The following MYBPH variants were observed in gnomAD, a reference collection of about 807,000 sequenced individuals.
MYBPH encodes myosin binding protein H.
In MYBPH, 49 loss-of-function variants were observed where a neutral mutation model predicts 53.6. The ratio of observed to expected loss-of-function variants is 0.91; its 90% CI spans 0.73 to 1.16. The LOEUF is 1.16. MYBPH is among the 50% of genes most tolerant of loss of function. MYBPH has a pLI of 0.00. For missense variants in MYBPH, 558 were observed against 624.1 expected, an observed-to-expected ratio of 0.89 and a Z score of 1.13; for synonymous variants, 239 against 249.6, an observed-to-expected ratio of 0.96 and a Z score of 0.40.
Position 203,175,563 on chromosome 1 carries a change from G to T in MYBPH, c.193C>A (p.Pro65Thr). 1.2e-6 allele frequency: 2 copies of T among 1,614,006 alleles called. No individual in the cohort carries two copies. Among genetic ancestry groups the T allele is most frequent in the Non-Finnish European group, 1.7e-6 (2 of 1,179,990 alleles). Residue 65 changes from proline to threonine, a missense_variant, in exon 1 of 11, where the codon CCC becomes ACC. Pro to Thr is a conservative substitution (Grantham distance 38). Transcript: ENST00000255416. ...CACCTTCAGTCACCTTCACTTGGGG[G>T]TGCAGGCTTAGTGGCTGTGGAGGCT... is the stretch of plus-strand genomic sequence containing the variant. ...PTASTATKPAPPSEDVPSAPL... is the reference protein window; with the variant it reads ...PTASTATKPATPSEDVPSAPL...
intron 3 of MYBPH, among the ~76,000 whole-genome samples, chr1:203,172,433 C>G (rs1655718876): frequency 1.3e-5 from 2 of 152,152 alleles, no homozygotes; most frequent in African/African-American, 2.4e-5. Flanking sequence ...GGCTGCACTT[C>G]TAGGAAGGGG....
Position 203,171,837 on chromosome 1 carries a change from C to T in MYBPH, c.597+115G>A, listed in dbSNP as rs1484266161. The T allele has an allele frequency of 1.6e-5, 12 of 746,916 alleles. No homozygotes were observed. The highest frequency in any genetic ancestry group is 2.2e-5 in the Non-Finnish European group (11 of 498,242). The allele number at this position is 746,916 out of a possible 1,614,324, so 46.3% of individuals were successfully genotyped here. On this transcript the variant is annotated intron_variant, in intron 4 of 10. Transcript: ENST00000255416. The surrounding 1 kb of genome is among the most constrained non-coding windows in gnomAD (Gnocchi z 4.2). ...TGTGCATGATTGCGGAAGGATGAAG[C>T]CGTCTCGCTGGGTCTCAGCTGGACC...
chr1:203,175,514 C>T (rs375224349), intron 1 of MYBPH, 37 bp downstream of exon 1: 1 of 1,612,482 alleles, frequency 6.2e-7, no homozygotes, highest in Non-Finnish European at 8.5e-7. Context: ...CCCTGACATG[C>T]CTGCCTCCCT....
upstream of MYBPH, chr1:203,175,858 T>G (rs1288458078): frequency 1.2e-5 from 14 of 1,162,196 alleles, no homozygotes; most frequent in Admixed American, 4.1e-5. Flanking sequence ...GCTTATATAG[T>G]CAGGGGCTGC....
At chr1:203,177,043 G>A (rs982510877), upstream of MYBPH, among the ~76,000 whole-genome samples, 5 of 152,238 alleles carry the variant, frequency 3.3e-5, no homozygotes, top group African/African-American at 1.2e-4. Context: ...AGCAACTTCA[G>A]CTACTCACAG....
In MYBPH at chr1:203,171,859, G is replaced by T; in HGVS notation, c.597+93C>A. 1.2e-6 allele frequency: 1 copy of T among 832,894 alleles called. No individual in the cohort carries two copies. 51.6% of individuals were successfully genotyped at this position (832,894 alleles called of 1,614,324 possible). A position where few individuals can be genotyped will look rare whatever the true frequency, so the allele number is the denominator to read the frequency against. ...AAGCCGTCTCGCTGGGTCTCAGCTG[G>T]ACCCTTGGAGACCCTGCCATCTCCC... On this transcript the variant is annotated intron_variant, in intron 4 of 10. Transcript: ENST00000255416. The surrounding 1 kb of genome is among the most constrained non-coding windows in gnomAD (Gnocchi z 4.2).
At position 203,174,008 on chromosome 1, in the gene MYBPH, G is replaced by A. The variant is rs1655751085; in HGVS notation, c.508+422C>T. 3.3e-5 allele frequency among the ~76,000 whole-genome samples: 5 copies of A among 152,234 alleles called. No individual in the cohort carries two copies. The South Asian group carries it at 1.0e-3, about 32-fold the overall frequency. On this transcript the variant is annotated intron_variant, in intron 3 of 10. Transcript: ENST00000255416. Reference sequence around the variant, plus strand: ...AGGGCCATGGTGGAACAAGGGGCAAGCAGCGCCTTCTCTCTGTTTCAAGAC... The same window carrying A: ...AGGGCCATGGTGGAACAAGGGGCAAACAGCGCCTTCTCTCTGTTTCAAGAC...
Position 203,174,602 on chromosome 1 carries a change from G to A in MYBPH, c.341-5C>T, listed in dbSNP as rs1453805969. ...TCACAGGCACCCACTCCGAGGCTGA[G>A]GGGATGGAGAGAGTGTGAGGTCTTT... On this transcript the variant is annotated splice_region_variant and splice_polypyrimidine_tract_variant and intron_variant, in intron 2 of 10. Transcript: ENST00000255416. 1.9e-6 allele frequency: 3 copies of A among 1,590,266 alleles called. No homozygotes were observed. Among genetic ancestry groups the A allele is most frequent in the Non-Finnish European group, 2.6e-6 (3 of 1,162,182 alleles).
chr1:203,174,622 G>A (rs1158473879), intron 2 of MYBPH, 25 bp from the exon 3 acceptor site: 9 of 1,553,416 alleles, frequency 5.8e-6, no homozygotes, highest in Middle Eastern at 1.8e-4. Flanking sequence ...AGAGTGTGAG[G>A]TCTTTGCAAT....
rs940630216 is a variant in MYBPH at position 203,171,224 on chromosome 1, A to T, written c.794-24T>A. 1.3e-6 allele frequency: 2 copies of T among 1,570,232 alleles called. No homozygotes were observed. The highest frequency in any genetic ancestry group is 2.7e-5 in the African/African-American group (2 of 73,498). On this transcript the variant is annotated intron_variant, in intron 5 of 10. Coordinates refer to ENST00000255416, the MANE Select transcript of MYBPH (RefSeq NM_004997.3). This position sits in a 1 kb window ranked among gnomAD's most constrained non-coding sequence, Gnocchi z 4.2. Reference sequence around the variant, plus strand: ...CTCTGTAGGCCCAGAGTGTGAGAGGAAGTGAGTGTGAGGGCCAGGCTGGCC... The same window carrying T: ...CTCTGTAGGCCCAGAGTGTGAGAGGTAGTGAGTGTGAGGGCCAGGCTGGCC...
rs752878638 is a variant in MYBPH, at chr1:203,175,741, G to GT, written c.14dup (p.Asn5LysfsTer16). 17 of 1,613,918 alleles carry GT rather than the reference G, an allele frequency of 1.1e-5. No individual in the cohort carries two copies. Among genetic ancestry groups the GT allele is most frequent in the South Asian group, 7.7e-5 (7 of 91,070 alleles). On this transcript the variant is annotated frameshift_variant, in exon 1 of 11. Coordinates refer to ENST00000255416, the MANE Select transcript of MYBPH (RefSeq NM_004997.3). LOFTEE classifies it high-confidence loss of function. ...GACTGCAGGCAGGGCCCTCGGAGGT[G>GT]TTTTTTTCCATCATTGCTGGACTGG...
At chr1:203,175,948 G>T, upstream of MYBPH, 2 of 599,396 alleles carry the variant, frequency 3.3e-6, no homozygotes, top group East Asian at 2.8e-5. Flanking sequence ...CCCAGGCCAG[G>T]AATAGCTCTG....
At chr1:203,168,804 C>A in intron 9 of MYBPH, 102 bp downstream of exon 9, 1 of 1,580,994 alleles carries the variant, frequency 6.3e-7, no homozygotes, top group Non-Finnish European at 8.6e-7. Flanking sequence ...TGACCCCAGT[C>A]TTACCACCCC....
chr1:203,174,034 C>T (rs1655751456), intron 3 of MYBPH, among the ~76,000 whole-genome samples: 2 of 152,168 alleles, frequency 1.3e-5, no homozygotes, highest in African/African-American at 4.8e-5. Context: ...GTTTCAAGAC[C>T]TTTGAGAGAA....
intron 6 of MYBPH, among the ~76,000 whole-genome samples, chr1:203,170,856 C>G (rs376612148): frequency 6.6e-6 from 1 of 152,200 alleles, no homozygotes; most frequent in East Asian, 1.9e-4. Context: ...TCAGACAGCC[C>G]GGGCCAGCCC....
At chr1:203,175,245 A>G (rs1655782697) in intron 2 of MYBPH, 82 bp downstream of exon 2, 4 of 1,468,432 alleles carry the variant, frequency 2.7e-6, no homozygotes, top group East Asian at 4.6e-5. Context: ...AGACTGACCA[A>G]CCACAGGGCC....
At position 203,170,963 on chromosome 1, in the gene MYBPH, C is replaced by T. The variant is rs1253645143; in HGVS notation, c.933+98G>A. On this transcript the variant is annotated intron_variant, in intron 6 of 10. Transcript: ENST00000255416. ...GGTTAGCAGTGGGCAGACCAGAACT[C>T]GATCCCTAGACTCGGTCCCTAGACT... 8.8e-6 allele frequency: 13 copies of T among 1,469,552 alleles called. No homozygotes were observed. The East Asian group carries it at 1.4e-4, about 16-fold the overall frequency. The allele number at this position is 1,469,552 out of a possible 1,614,324, so 91.0% of individuals were successfully genotyped here.
Position 203,171,586 on chromosome 1 carries a change from G to A in MYBPH, c.598-8C>T. On this transcript the variant is annotated splice_polypyrimidine_tract_variant and splice_region_variant and intron_variant, in intron 4 of 10. Transcript: ENST00000255416. This position sits in a 1 kb window ranked among gnomAD's most constrained non-coding sequence, Gnocchi z 4.2. ...CTGAGGCTTAGGCTTCCCCTGGCAG[G>A]GAGGAGCCCCCAGGGTGAGTGTAGG... 6.2e-7 allele frequency: 1 copy of A among 1,608,844 alleles called. No homozygotes were observed. The highest frequency in any genetic ancestry group is 8.5e-7 in the Non-Finnish European group (1 of 1,178,436).
In MYBPH at chr1:203,169,235, C is replaced by G. The variant is rs766658100; in HGVS notation, c.1230+18G>C. 2.5e-6 allele frequency: 4 copies of G among 1,593,700 alleles called. No individual in the cohort carries two copies. The highest frequency in any genetic ancestry group is 2.3e-5 in the South Asian group (2 of 86,478). ...CTGCCCCCACCAGCCCAGGGCACAA[C>G]AGGGCCTGGCCCCTCACCTTGGGTG... On this transcript the variant is annotated intron_variant, in intron 8 of 10. Transcript: ENST00000255416.
Sources: allele counts gnomAD v4.1 joint callset (sites outside exome capture counted in the v4.1 genomes callset), GRCh38; gene constraint gnomAD v4.1.1; non-coding constraint Gnocchi (gnomAD v3.1); transcripts MANE v1.5; gene names NCBI Gene and HGNC (gene_info 2026-07-23, HGNC 2026-07-21).